EML4: variants seen among roughly 807,000 people sequenced by gnomAD.
The protein encoded by EML4 is EMAP like 4, also known as echinoderm microtubule-associated protein-like 4.
EML4 carries 72 observed loss-of-function variants against 129.0 expected under a neutral mutation model. The ratio of observed to expected loss-of-function variants is 0.56; its 90% CI spans 0.46 to 0.68. The LOEUF is 0.68. EML4 is among the 30% of genes least tolerant of loss of function. The probability of loss-of-function intolerance (pLI) is 0.00; values close to 1 mark genes in which losing one functional copy is unlikely to be tolerated. For missense variants in EML4, 1,363 were observed against 1,190.6 expected (o/e 1.14, Z -2.13); for synonymous variants, 532 against 405.0 (o/e 1.31, Z -3.77).
rs778380597 is a variant in EML4, at chr2:42,205,856, T to G, written c.25+36220T>G. 1.6e-4 allele frequency among the ~76,000 whole-genome samples: 24 copies of G among 152,318 alleles called. No homozygotes were observed. In the South Asian group the frequency reaches 2.7e-3, roughly 17 times the overall value. Reference sequence around the variant, plus strand: ...CTGTGTTAACAGACTATGTAGTCAGTTTCCATTACTCAGTCATTTATCCAC... The same window carrying G: ...CTGTGTTAACAGACTATGTAGTCAGGTTCCATTACTCAGTCATTTATCCAC... On this transcript the variant is annotated intron_variant, in intron 1 of 22. Transcript: ENST00000318522.
chr2:42,191,104 G>C (rs1305894808), intron 1 of EML4, among the ~76,000 whole-genome samples: 1 of 152,128 alleles, frequency 6.6e-6, no homozygotes, highest in Non-Finnish European at 1.5e-5. Flanking sequence ...GAAAGACAAA[G>C]TGATTGCATT....
At chr2:42,245,415 G>GT in intron 1 of EML4, 90 bp from the exon 2 acceptor site, 3 of 1,264,918 alleles carry the variant, frequency 2.4e-6, no homozygotes, top group Non-Finnish European at 3.3e-6. Flanking sequence ...CTCATCTTTT[G>GT]TAAGTCTTAT....
intron 1 of EML4, among the ~76,000 whole-genome samples, chr2:42,181,955 TATAG>T (rs995526903): frequency 1.7e-4 from 26 of 152,288 alleles, no homozygotes; most frequent in African/African-American, 6.3e-4. Context: ...TGTGGCAATA[TATAG>T]ATATAGTTAC....
chr2:42,299,260 C>T (rs1209109933), intron 13 of EML4, among the ~76,000 whole-genome samples: 1 of 152,158 alleles, frequency 6.6e-6, no homozygotes, highest in Non-Finnish European at 1.5e-5. Flanking sequence ...CTAGCATACT[C>T]AAACTGAGAC....
intron 17 of EML4, among the ~76,000 whole-genome samples, chr2:42,308,941 A>T (rs1668772694): frequency 6.6e-6 from 1 of 152,208 alleles, no homozygotes; most frequent in African/African-American, 2.4e-5. Context: ...ATAACATTCC[A>T]TTTTATGGAT....
chr2:42,304,562 T>C lies in EML4; in HGVS notation c.1967+11T>C. ...AACGCACTCAGGCAGGTAGGGTCTT[T>C]AAGTGAACTGAGTAATCTGAAGTGG... is the stretch of plus-strand genomic sequence containing the variant. On this transcript the variant is annotated intron_variant, in intron 17 of 22. Coordinates refer to ENST00000318522, the MANE Select transcript of EML4 (RefSeq NM_019063.5). The C allele has an allele frequency of 6.2e-7, 1 of 1,606,706 alleles. No individual in the cohort carries two copies. The highest frequency in any genetic ancestry group is 8.5e-7 in the Non-Finnish European group (1 of 1,173,290).
intron 1 of EML4, among the ~76,000 whole-genome samples, chr2:42,192,391 C>T (rs1201303945): frequency 6.6e-6 from 1 of 151,844 alleles, no homozygotes. Context: ...AGGCACCCAC[C>T]ACCATGCCTG....
rs1480299036 is a variant in EML4 at position 42,244,784 on chromosome 2, A to G, written c.26-721A>G. On this transcript the variant is annotated intron_variant, in intron 1 of 22. Transcript: ENST00000318522. ...ACATAAAACCAAACAAGTGATTTAT[A>G]TGCCTTTTCTGTTTTCATAGAGAAC... 3.9e-5 allele frequency among the ~76,000 whole-genome samples: 6 copies of G among 152,152 alleles called. No individual in the cohort carries two copies. The East Asian group carries it at 1.2e-3, about 29-fold the overall frequency.
At chr2:42,244,026 AT>A (rs1675207329) in intron 1 of EML4, among the ~76,000 whole-genome samples, 1 of 149,800 alleles carries the variant, frequency 6.7e-6, no homozygotes, top group Non-Finnish European at 1.5e-5. Context: ...ATTTCCCTGA[AT>A]TTTCCTGCTT....
In EML4 at chr2:42,303,920, G is replaced by A. The variant is rs766747957; in HGVS notation, c.1899+474G>A. Among the ~76,000 whole-genome samples, 7 of 152,154 alleles carry A rather than the reference G, an allele frequency of 4.6e-5. No individual in the cohort carries two copies. In the East Asian group the frequency reaches 5.8e-4, roughly 13 times the overall value. On this transcript the variant is annotated intron_variant, in intron 16 of 22. Coordinates refer to ENST00000318522, the MANE Select transcript of EML4 (RefSeq NM_019063.5). The stretch of plus-strand genomic sequence containing the variant: ...AGCCTGGGCAACAGAGCGAGACTCC[G>A]TCTCAAAAAATAAAAAATAGAAGAA...
At chr2:42,260,209 C>T (rs910770058) in intron 3 of EML4, among the ~76,000 whole-genome samples, 8 of 152,164 alleles carry the variant, frequency 5.3e-5, no homozygotes, top group Middle Eastern at 6.8e-3. Flanking sequence ...GCACTGTCAT[C>T]CAGGCTGGAG....
intron 1 of EML4, among the ~76,000 whole-genome samples, chr2:42,187,643 C>G (rs1671337417): frequency 6.6e-6 from 1 of 151,464 alleles, no homozygotes; most frequent in African/African-American, 2.4e-5. Flanking sequence ...TTTTCTTTCT[C>G]TATGAATTCT....
intron 3 of EML4, 122 bp from the exon 4 acceptor site, chr2:42,260,999 G>A (rs1665698435): frequency 1.4e-6 from 1 of 690,308 alleles, no homozygotes; most frequent in East Asian, 2.5e-5. Flanking sequence ...AATGAAAACA[G>A]TGCAAATTGT....
intron 10 of EML4, 22 bp from the exon 11 acceptor site, chr2:42,288,205 C>G (rs1667419852): frequency 9.7e-7 from 1 of 1,035,336 alleles, no homozygotes; most frequent in Non-Finnish European, 1.4e-6. Context: ...TTTTAAAATG[C>G]CTCTGATTGA....
intron 1 of EML4, among the ~76,000 whole-genome samples, chr2:42,188,812 C>T (rs1355344735): frequency 3.3e-5 from 5 of 152,224 alleles, no homozygotes; most frequent in African/African-American, 7.2e-5. Flanking sequence ...AGGTGTGAAC[C>T]GCCATGCCCA....
intron 2 of EML4, among the ~76,000 whole-genome samples, chr2:42,252,382 A>G (rs1675834223): frequency 6.6e-6 from 1 of 152,010 alleles, no homozygotes; most frequent in Non-Finnish European, 1.5e-5. Flanking sequence ...AACTTCCTTC[A>G]CTTTTTCATT....
intron 1 of EML4, among the ~76,000 whole-genome samples, chr2:42,188,188 CTGTT>C (rs976087826): frequency 2.6e-5 from 4 of 152,136 alleles, no homozygotes; most frequent in African/African-American, 4.8e-5. Context: ...ATGTCAGTCT[CTGTT>C]TGTCACTAAG....
chr2:42,220,959 A>T (rs538812306), intron 1 of EML4, among the ~76,000 whole-genome samples: 13 of 152,208 alleles, frequency 8.5e-5, no homozygotes, highest in Non-Finnish European at 1.0e-4. Flanking sequence ...GAGAGACGTG[A>T]GGAAGCTGCA....
At chr2:42,192,460 A>G (rs966193085) in intron 1 of EML4, among the ~76,000 whole-genome samples, 6 of 151,940 alleles carry the variant, frequency 3.9e-5, no homozygotes, top group African/African-American at 1.5e-4. Flanking sequence ...GACTGGTCTT[A>G]AACTCCTGAC....
Sources: gnomAD v4.1 joint callset for allele counts (sites outside exome capture counted in the v4.1 genomes callset) on GRCh38, gnomAD v4.1.1 for gene constraint, MANE v1.5 for transcripts, NCBI Gene and HGNC (gene_info 2026-07-23, HGNC 2026-07-21) for gene names.